RUFY4: variants seen among roughly 807,000 people sequenced by gnomAD.
RUFY4 encodes the protein RUN and FYVE domain containing 4, also known as RUN and FYVE domain-containing protein 4.
In RUFY4, 73 loss-of-function variants were observed where a neutral mutation model predicts 69.0. The observed-to-expected ratio is 1.06, with a 90% CI of 0.88 to 1.29. RUFY4 has a LOEUF of 1.29. RUFY4 is among the 50% of genes most tolerant of loss of function. The pLI, the probability that RUFY4 is intolerant of heterozygous loss-of-function variation, is 0.00. For missense variants in RUFY4, 770 were observed against 705.6 expected, an observed-to-expected ratio of 1.09 and a Z score of -1.03; for synonymous variants, 287 against 271.8, an observed-to-expected ratio of 1.06 and a Z score of -0.55.
chr2:218,070,253 A>G (rs973501518), upstream of RUFY4: 6 of 322,416 alleles, frequency 1.9e-5, no homozygotes, highest in Non-Finnish European at 3.6e-5. Flanking sequence ...ATGCTGGATA[A>G]AAGACTTACC....
chr2:218,089,024 T>C (rs1289104222), intron 9 of RUFY4, among the ~76,000 whole-genome samples: 2 of 151,606 alleles, frequency 1.3e-5, no homozygotes, highest in African/African-American at 4.8e-5. Context: ...TCCCTCCCCA[T>C]TGCTGTGTCT....
chr2:218,077,742 G>A (rs192259360), intron 8 of RUFY4, among the ~76,000 whole-genome samples: 27 of 151,848 alleles, frequency 1.8e-4, no homozygotes, highest in African/African-American at 6.1e-4. Flanking sequence ...TGTCTGCTTC[G>A]CAGGTGAGAG....
In RUFY4 at chr2:218,088,329, G is replaced by A. The variant is rs116626294; in HGVS notation, c.1503-923G>A. Among the ~76,000 whole-genome samples, 1,181 of 151,808 alleles carry A rather than the reference G, an allele frequency of 7.8e-3. 15 individuals carry two copies. The highest frequency in any genetic ancestry group is 0.026 in the African/African-American group (1,057 of 41,350). On this transcript the variant is annotated intron_variant, in intron 9 of 10. Coordinates refer to ENST00000344321, the Ensembl canonical transcript of RUFY4. ...TCCCTACAAAAGATTAGCCAGGCAC[G>A]TGCCTATAGTCCCAGCTACTCAGGA...
At chr2:218,083,323 C>A in intron 9 of RUFY4, 67 bp downstream of exon 11, 2 of 1,508,014 alleles carry the variant, frequency 1.3e-6, no homozygotes, top group Admixed American at 2.2e-5. Context: ...GAGCCCGGAG[C>A]GTGAAAATTC....
intron 2 of RUFY4, among the ~76,000 whole-genome samples, chr2:218,038,613 G>A (rs1959014511): frequency 6.6e-6 from 1 of 152,240 alleles, no homozygotes; most frequent in South Asian, 2.1e-4. Flanking sequence ...CATGTTATCA[G>A]TGAAGAGTGC....
intron 2 of RUFY4, among the ~76,000 whole-genome samples, chr2:218,041,630 T>C (rs1448847162): frequency 6.6e-6 from 1 of 152,224 alleles, no homozygotes; most frequent in Non-Finnish European, 1.5e-5. Context: ...TACAGCTGCT[T>C]TATTTGGTCT....
At chr2:218,086,757 G>A (rs1689902930) in intron 9 of RUFY4, among the ~76,000 whole-genome samples, 1 of 152,144 alleles carries the variant, frequency 6.6e-6, no homozygotes, top group African/African-American at 2.4e-5. Context: ...TCTAGCCTAG[G>A]AGAGAAGAAA....
intron 5 of RUFY4, among the ~76,000 whole-genome samples, chr2:218,073,608 G>C (rs1160699215): frequency 6.6e-6 from 1 of 152,212 alleles, no homozygotes; most frequent in Non-Finnish European, 1.5e-5. Context: ...GGGTGGTTGA[G>C]GTGGAGGGCT....
rs192967814 is a variant in RUFY4, at chr2:218,048,950, T to C, written c.-1157-9645T>C. The stretch of plus-strand genomic sequence containing the variant: ...TCTCCCATGGGTTAAGTTGGCTGAT[T>C]GTTGATTCTGGTGGTTGTTAGTTCT... On this transcript the variant is annotated intron_variant and NMD_transcript_variant, in intron 2 of 13. Transcript: ENST00000457754. Among the ~76,000 whole-genome samples, 24 of 152,342 alleles carry C rather than the reference T, an allele frequency of 1.6e-4. No homozygotes were observed. The East Asian group carries it at 2.9e-3, about 18-fold the overall frequency.
At chr2:218,056,469 G>A (rs1320248081) in intron 2 of RUFY4, among the ~76,000 whole-genome samples, 1 of 152,092 alleles carries the variant, frequency 6.6e-6, no homozygotes, top group Non-Finnish European at 1.5e-5. Context: ...CCCTGACACT[G>A]ACTCTTGTAC....
chr2:218,090,106 C>A, exon 11 of RUFY4: 1 of 1,109,198 alleles, frequency 9.0e-7, no homozygotes, highest in Non-Finnish European at 1.3e-6. Context: ...GCCCATCCCA[C>A]TCAATCCACT....
intron 2 of RUFY4, among the ~76,000 whole-genome samples, chr2:218,036,575 C>T (rs191050781): frequency 5.2e-4 from 79 of 152,302 alleles, no homozygotes; most frequent in African/African-American, 1.8e-3. Flanking sequence ...TCTTAGATGA[C>T]GTAAAACTTT....
At chr2:218,071,004 A>T in intron 2 of RUFY4, 145 bp downstream of exon 4, 1 of 650,742 alleles carries the variant, frequency 1.5e-6, no homozygotes, top group South Asian at 2.0e-5. Flanking sequence ...ACCTAACCTC[A>T]CTCTTGGAGT....
chr2:218,073,021 A>G, intron 4 of RUFY4, 136 bp downstream of exon 6: 1 of 950,306 alleles, frequency 1.1e-6, no homozygotes, highest in Non-Finnish European at 1.5e-6. Context: ...GGAAAAATCA[A>G]GGGAGAAAGG....
At chr2:218,087,805 G>A (rs901573648) in intron 9 of RUFY4, among the ~76,000 whole-genome samples, 2 of 152,058 alleles carry the variant, frequency 1.3e-5, no homozygotes, top group Admixed American at 1.3e-4. Flanking sequence ...CTCCAGCCTG[G>A]GTGACAGAGG....
intron 3 of RUFY4, chr2:218,060,576 G>T: frequency 7.6e-7 from 1 of 1,323,554 alleles, no homozygotes; most frequent in Non-Finnish European, 1.1e-6. Context: ...AGGTCTCATT[G>T]GTCATCTGGG....
chr2:218,046,072 T>C (rs1688821312), intron 2 of RUFY4, among the ~76,000 whole-genome samples: 1 of 152,160 alleles, frequency 6.6e-6, no homozygotes, highest in African/African-American at 2.4e-5. Context: ...CCCAAAGTGC[T>C]GGGATTACAG....
intron 2 of RUFY4, among the ~76,000 whole-genome samples, chr2:218,047,041 T>TAA (rs201363231): frequency 0.016 from 1,979 of 123,190 alleles, 38 homozygotes; most frequent in East Asian, 0.084. Flanking sequence ...TCATTGTGGT[T>TAA]AAAAAAAAAA....
intron 8 of RUFY4, among the ~76,000 whole-genome samples, chr2:218,080,160 C>T (rs977698424): frequency 2.6e-5 from 4 of 152,108 alleles, no homozygotes; most frequent in South Asian, 2.1e-4. Flanking sequence ...GCGGCAGAGC[C>T]GGAGCCAGGG....
Sources: gnomAD v4.1 joint callset for allele counts (sites outside exome capture counted in the v4.1 genomes callset) on GRCh38, gnomAD v4.1.1 for gene constraint, MANE v1.5 for transcripts, NCBI Gene and HGNC (gene_info 2026-07-23, HGNC 2026-07-21) for gene names.